HMGCLL1: variants seen among roughly 807,000 people sequenced by gnomAD.
The protein encoded by HMGCLL1 is 3-hydroxy-3-methylglutaryl-CoA lyase like 1.
A neutral mutation model predicts 39.1 loss-of-function variants in HMGCLL1; 36 were observed. The observed-to-expected ratio is 0.92, with a 90% CI of 0.71 to 1.22. The LOEUF is 1.22. HMGCLL1 is among the 50% of genes most tolerant of loss of function. The pLI, the probability that HMGCLL1 is intolerant of heterozygous loss-of-function variation, is 0.00. For missense variants in HMGCLL1, 451 were observed against 416.5 expected (o/e 1.08, Z -0.72); for synonymous variants, 149 against 144.0 (o/e 1.03, Z -0.25).
chr6:55,659,994 G>C, the HMGCLL1 span, among the ~76,000 whole-genome samples: 1 of 151,776 alleles, frequency 6.6e-6, no homozygotes, highest in East Asian at 1.9e-4. Flanking sequence ...CAATGAGATA[G>C]AGGTGTCCAG....
the HMGCLL1 span, among the ~76,000 whole-genome samples, chr6:55,604,021 G>T: frequency 1.3e-5 from 2 of 151,984 alleles, no homozygotes; most frequent in African/African-American, 2.4e-5. Context: ...TAGTTTGTTG[G>T]GTGTCTGGAG....
At chr6:55,631,066 C>G in the HMGCLL1 span, among the ~76,000 whole-genome samples, 1 of 151,938 alleles carries the variant, frequency 6.6e-6, no homozygotes, top group Admixed American at 6.6e-5. Flanking sequence ...CTTGGTGTTC[C>G]ATAATCTTCT....
chr6:55,653,475 C>T, the HMGCLL1 span, among the ~76,000 whole-genome samples: 1 of 151,656 alleles, frequency 6.6e-6, no homozygotes, highest in Non-Finnish European at 1.5e-5. Flanking sequence ...AAAAGACATG[C>T]TTTCAAATAA....
At chr6:55,618,508 A>G in the HMGCLL1 span, among the ~76,000 whole-genome samples, 1 of 152,086 alleles carries the variant, frequency 6.6e-6, no homozygotes, top group East Asian at 1.9e-4. Flanking sequence ...AGAAATTATC[A>G]AAAAAATAAT....
the HMGCLL1 span, among the ~76,000 whole-genome samples, chr6:55,615,851 A>T: frequency 1.3e-5 from 2 of 152,088 alleles, no homozygotes; most frequent in South Asian, 4.1e-4. Context: ...CTCTTGATTT[A>T]TGTCAATAGG....
At chr6:55,573,363 G>A (rs1267369490) in intron 1 of HMGCLL1, among the ~76,000 whole-genome samples, 1 of 152,114 alleles carries the variant, frequency 6.6e-6, no homozygotes, top group Non-Finnish European at 1.5e-5. Context: ...ATACCAGGAA[G>A]GAAAATACAT....
intron 1 of HMGCLL1, among the ~76,000 whole-genome samples, chr6:55,556,870 G>A (rs768208943): frequency 6.6e-5 from 10 of 152,110 alleles, no homozygotes; most frequent in Non-Finnish European, 1.3e-4. Flanking sequence ...GGGCAGATGC[G>A]TACCTTACAT....
the HMGCLL1 span, among the ~76,000 whole-genome samples, chr6:55,642,452 G>A: frequency 6.6e-6 from 1 of 151,726 alleles, no homozygotes; most frequent in African/African-American, 2.4e-5. Context: ...ATTTTTTATG[G>A]CTGCTTTTAA....
intron 7 of HMGCLL1, among the ~76,000 whole-genome samples, chr6:55,456,334 A>T (rs912571905): frequency 6.6e-6 from 1 of 152,234 alleles, no homozygotes; most frequent in African/African-American, 2.4e-5. Context: ...CTGAAATTCA[A>T]TGTCATCCTT....
At chr6:55,620,819 C>A in the HMGCLL1 span, among the ~76,000 whole-genome samples, 1 of 152,058 alleles carries the variant, frequency 6.6e-6, no homozygotes, top group Non-Finnish European at 1.5e-5. Flanking sequence ...ATAAAGAAGT[C>A]TAGTTTTATT....
the HMGCLL1 span, among the ~76,000 whole-genome samples, chr6:55,636,610 G>A: frequency 1.3e-5 from 2 of 152,058 alleles, no homozygotes; most frequent in African/African-American, 2.4e-5. Context: ...GTTGCCTGTG[G>A]GCATGTGTTA....
chr6:55,614,505 T>A, the HMGCLL1 span, among the ~76,000 whole-genome samples: 1 of 152,166 alleles, frequency 6.6e-6, no homozygotes, highest in African/African-American at 2.4e-5. Flanking sequence ...TATTTAGTTA[T>A]AGCGGCCCAA....
At chr6:55,603,411 T>C in the HMGCLL1 span, among the ~76,000 whole-genome samples, 8 of 152,150 alleles carry the variant, frequency 5.3e-5, no homozygotes, top group African/African-American at 1.7e-4. Context: ...GTTAGGGAGG[T>C]ATTTGTGAGC....
intron 3 of HMGCLL1, among the ~76,000 whole-genome samples, chr6:55,529,823 A>G (rs1768542563): frequency 6.6e-6 from 1 of 152,140 alleles, no homozygotes; most frequent in Admixed American, 6.6e-5. Flanking sequence ...TTATTATTCA[A>G]CATTTGGGTC....
chr6:55,576,521 A>T (rs968183145), intron 1 of HMGCLL1, among the ~76,000 whole-genome samples: 2 of 152,222 alleles, frequency 1.3e-5, no homozygotes, highest in African/African-American at 4.8e-5. Context: ...GAGAAATAGC[A>T]TTATTTTATT....
chr6:55,651,529 A>C, the HMGCLL1 span, among the ~76,000 whole-genome samples: 1 of 152,096 alleles, frequency 6.6e-6, no homozygotes, highest in African/African-American at 2.4e-5. Context: ...TTTCCTTGCT[A>C]AGAGCTGCGC....
At chr6:55,475,702 T>A (rs1765254750) in intron 7 of HMGCLL1, among the ~76,000 whole-genome samples, 1 of 151,788 alleles carries the variant, frequency 6.6e-6, no homozygotes, top group South Asian at 2.1e-4. Flanking sequence ...CTTTCTCATG[T>A]GTTATGTAAT....
At chr6:55,560,095 T>G (rs568855640) in intron 1 of HMGCLL1, among the ~76,000 whole-genome samples, 1 of 152,290 alleles carries the variant, frequency 6.6e-6, no homozygotes, top group Non-Finnish European at 1.5e-5. Context: ...AAGACAGGAT[T>G]GTTCACAAGA....
At chr6:55,588,654 G>A in the HMGCLL1 span, among the ~76,000 whole-genome samples, 45 of 151,810 alleles carry the variant, frequency 3.0e-4, no homozygotes, top group Non-Finnish European at 5.4e-4. Context: ...TTGATAGACC[G>A]CTAGCAAGAC....
Sources: allele counts gnomAD v4.1 joint callset (sites outside exome capture counted in the v4.1 genomes callset), GRCh38; gene constraint gnomAD v4.1.1; transcripts MANE v1.5; gene names NCBI Gene and HGNC (gene_info 2026-07-23, HGNC 2026-07-21).